The following ATP11C variants were observed in gnomAD, a reference collection of about 807,000 sequenced individuals.
ATP11C encodes the protein phospholipid-transporting ATPase IG.
ATP11C carries 36 observed loss-of-function variants against 97.4 expected under a neutral mutation model. That is an observed-to-expected ratio of 0.37 (90% CI 0.28 to 0.49). The LOEUF (loss-of-function observed/expected upper bound fraction) is 0.49, where lower values mean the gene tolerates loss of function less well. Among genes scored for constraint, ATP11C ranks in the 20% least tolerant of loss-of-function variants. The pLI, the probability that ATP11C is intolerant of heterozygous loss-of-function variation, is 0.98. For missense variants in ATP11C, 730 were observed against 824.6 expected, an observed-to-expected ratio of 0.89 and a Z score of 1.40; for synonymous variants, 275 against 290.9, an observed-to-expected ratio of 0.95 and a Z score of 0.56.
At chrX:139,835,794 C>T (rs1390198720) in intron 1 of ATP11C, among the ~76,000 whole-genome samples, 2 of 104,186 alleles carry the variant, frequency 1.9e-5, no homozygotes, top group Non-Finnish European at 3.9e-5. Context: ...TTTGGGAAGC[C>T]GAGGTGGGTG....
rs1033398557 is a variant in ATP11C at position 139,731,665 on chromosome X, T to G, written c.3379A>C (p.Asn1127His). Residue 1127 changes from asparagine (N) to histidine (H), a missense_variant, in exon 29 of 30, where the codon AAT becomes CAT. Asn to His is a moderately conservative substitution (Grantham distance 68, BLOSUM62 1). Coordinates refer to ENST00000682941, the MANE Select transcript of ATP11C (RefSeq NM_001353812.2). ...ACACTAGGTACCTGTTACAATACAT[T>G]AGATTCGTCTGAGAATGTTCGTAAA... ...LLLRTFSDES[N>H]VL 3 of 1,183,703 alleles carry G rather than the reference T, an allele frequency of 2.5e-6. No individual in the cohort carries two copies. The African/African-American group carries it at 5.3e-5, about 21-fold the overall frequency.
intron 1 of ATP11C, among the ~76,000 whole-genome samples, chrX:139,894,293 T>C (rs920182295): frequency 3.6e-5 from 4 of 112,455 alleles, no homozygotes; most frequent in East Asian, 2.8e-4. Flanking sequence ...TTATCCCTAG[T>C]ATCACACAAT....
At chrX:139,831,085 ACT>A (rs760162295) in intron 1 of ATP11C, among the ~76,000 whole-genome samples, 55 of 111,597 alleles carry the variant, frequency 4.9e-4, no homozygotes, top group African/African-American at 1.8e-3. Context: ...TACAATCATA[ACT>A]CTAAAATGAT....
chrX:139,889,051 G>A (rs1410591829), intron 1 of ATP11C, among the ~76,000 whole-genome samples: 4 of 111,347 alleles, frequency 3.6e-5, no homozygotes, highest in Admixed American at 2.9e-4. Context: ...CAAGTAACTC[G>A]CTCACCTTGG....
intron 5 of ATP11C, among the ~76,000 whole-genome samples, chrX:139,809,956 A>T (rs2083133868): frequency 9.0e-6 from 1 of 111,530 alleles, no homozygotes; most frequent in African/African-American, 3.3e-5. Flanking sequence ...ACAAGAGCAA[A>T]CTCCATCTCA....
In ATP11C at chrX:139,726,715, T is replaced by C. The variant is rs1175937031; in HGVS notation, c.*2251A>G. 4.4e-5 allele frequency: 5 copies of C among 112,365 alleles called. No homozygotes were observed. Among genetic ancestry groups the C allele is most frequent in the Non-Finnish European group, 9.4e-5 (5 of 53,173 alleles). 9.3% of individuals were successfully genotyped at this position (112,365 alleles called of 1,213,427 possible). On this transcript the variant is annotated 3_prime_UTR_variant, in exon 30 of 30. Transcript: ENST00000682941. ...AACATCCTCAAACAATGGACAGCGG[T>C]TGTGAAAATTACAAAGACATTTTGA...
At chrX:139,763,228 A>G (rs181247925) in intron 21 of ATP11C, 88 bp downstream of exon 21, 2 of 712,245 alleles carry the variant, frequency 2.8e-6, no homozygotes, top group Non-Finnish European at 4.2e-6. Context: ...ATGAGTAACC[A>G]AAACAGTCAC....
chrX:139,784,812 G>A (rs772417051), intron 16 of ATP11C, among the ~76,000 whole-genome samples: 2 of 111,435 alleles, frequency 1.8e-5, no homozygotes, highest in African/African-American at 3.3e-5. Flanking sequence ...AGGAAGGTCA[G>A]TGAGGGATAA....
At chrX:139,778,930 G>C (rs1329572126) in intron 18 of ATP11C, among the ~76,000 whole-genome samples, 1 of 111,488 alleles carries the variant, frequency 9.0e-6, no homozygotes, top group African/African-American at 3.3e-5. Flanking sequence ...AAAAGGAGCA[G>C]GGTTTGATCT....
At chrX:139,760,689 T>C (rs1317541577) in intron 22 of ATP11C, among the ~76,000 whole-genome samples, 2 of 111,645 alleles carry the variant, frequency 1.8e-5, no homozygotes, top group Non-Finnish European at 3.8e-5. Flanking sequence ...GTCTAACGTA[T>C]ACGCTAATGC....
chrX:139,755,393 A>G (rs1029781316), intron 23 of ATP11C, among the ~76,000 whole-genome samples: 5 of 112,344 alleles, frequency 4.5e-5, no homozygotes, highest in Non-Finnish European at 9.4e-5. Context: ...CAATATTGTT[A>G]AAATGGTCAT....
At position 139,932,074 on chromosome X, in the gene ATP11C, C is replaced by A. The variant is rs781739618; in HGVS notation, c.-32G>T. The A allele has an allele frequency of 6.2e-6, 7 of 1,138,191 alleles. No homozygotes were observed. In the East Asian group the frequency reaches 1.0e-4, roughly 17 times the overall value. The allele number at this position is 1,138,191 out of a possible 1,213,427, so 93.8% of individuals were successfully genotyped here. On this transcript the variant is annotated 5_prime_UTR_variant, in exon 1 of 30. Coordinates refer to ENST00000682941, the MANE Select transcript of ATP11C (RefSeq NM_001353812.2). ...GAAGGCTGCCGGGCGCTGAGCTGGG[C>A]TCTACCGGGCTGTCTGGGAAGGCGC...
chrX:139,934,693 C>T (rs1171860628), upstream of ATP11C, among the ~76,000 whole-genome samples: 2 of 108,465 alleles, frequency 1.8e-5, no homozygotes, highest in Non-Finnish European at 3.8e-5. Context: ...GCTGGGATTA[C>T]AGATGCCTGC....
chrX:139,783,136 A>G, intron 17 of ATP11C, 28 bp downstream of exon 17: 2 of 978,806 alleles, frequency 2.0e-6, no homozygotes, highest in Non-Finnish European at 2.9e-6. Context: ...CTGCTTACTT[A>G]TTGGTGGGGG....
chrX:139,770,490 G>C (rs1040162109), intron 19 of ATP11C, among the ~76,000 whole-genome samples: 1 of 112,028 alleles, frequency 8.9e-6, no homozygotes, highest in African/African-American at 3.3e-5. Flanking sequence ...AACCACCAAA[G>C]TTTTCAGAGC....
intron 1 of ATP11C, among the ~76,000 whole-genome samples, chrX:139,905,120 ACT>A (rs1378825099): frequency 8.9e-6 from 1 of 111,982 alleles, no homozygotes; most frequent in Non-Finnish European, 1.9e-5. Context: ...TTCAAGGCTA[ACT>A]CTACAAAATG....
chrX:139,931,723 G>A (rs897758734), intron 1 of ATP11C, among the ~76,000 whole-genome samples: 31 of 110,621 alleles, frequency 2.8e-4, no homozygotes, highest in Non-Finnish European at 7.6e-5. Context: ...CCCCCCACGA[G>A]TCCCCCCCAC....
At chrX:139,908,155 C>A (rs1603416560) in intron 1 of ATP11C, among the ~76,000 whole-genome samples, 1 of 111,602 alleles carries the variant, frequency 9.0e-6, no homozygotes. Flanking sequence ...CCCGGTTCCA[C>A]TGAGTGTGCC....
chrX:139,786,242 T>G (rs1466707444), intron 15 of ATP11C, among the ~76,000 whole-genome samples: 1 of 111,609 alleles, frequency 9.0e-6, no homozygotes, highest in Non-Finnish European at 1.9e-5. Flanking sequence ...AGGAAATATT[T>G]CCTTGAAAAT....
Sources: allele counts gnomAD v4.1 joint callset (sites outside exome capture counted in the v4.1 genomes callset), GRCh38; gene constraint gnomAD v4.1.1; transcripts MANE v1.5; gene names NCBI Gene and HGNC (gene_info 2026-07-23, HGNC 2026-07-21).